Variants in NAE1 observed in about 807,000 individuals in gnomAD.
NAE1 encodes NEDD8 activating enzyme E1 subunit 1.
In NAE1, 59 loss-of-function variants were observed where a neutral mutation model predicts 88.0. The observed-to-expected ratio is 0.67, with a 90% CI of 0.54 to 0.83. The LOEUF is 0.83. Ranked by LOEUF, NAE1 falls within the 40% of genes least tolerant of loss-of-function variation. The pLI is 0.00. For synonymous variants in NAE1, 186 were observed against 208.9 expected, an observed-to-expected ratio of 0.89 and a Z score of 0.95; for missense variants, 554 against 632.8, an observed-to-expected ratio of 0.88 and a Z score of 1.34.
intron 3 of NAE1, 45 bp downstream of exon 3, chr16:66,826,478 C>T: frequency 2.5e-6 from 4 of 1,592,970 alleles, no homozygotes; most frequent in Non-Finnish European, 3.4e-6. Flanking sequence ...AGACTCAGGC[C>T]TTGCCTTCCT....
intron 7 of NAE1, among the ~76,000 whole-genome samples, chr16:66,819,543 T>C (rs1228120447): frequency 6.6e-6 from 1 of 152,214 alleles, no homozygotes; most frequent in East Asian, 1.9e-4. Flanking sequence ...TATCTACAGA[T>C]TGTATATCTC....
intron 3 of NAE1, 191 bp downstream of exon 3, chr16:66,826,331 TA>T (rs1960462116): frequency 1.7e-6 from 1 of 590,042 alleles, no homozygotes; most frequent in Admixed American, 3.1e-5. Flanking sequence ...TAATGATGGG[TA>T]ACATTTATTA....
chr16:66,828,813 A>C (rs973400612), intron 1 of NAE1, among the ~76,000 whole-genome samples: 6 of 151,262 alleles, frequency 4.0e-5, no homozygotes, highest in Non-Finnish European at 8.8e-5. Context: ...GCAAACCCCC[A>C]TCTCTAAAAC....
rs369574864 is a variant in NAE1 at position 66,806,014 on chromosome 16, T to G, written c.1343A>C (p.Tyr448Ser). 1.2e-6 allele frequency: 2 copies of G among 1,609,584 alleles called. No individual in the cohort carries two copies. The highest frequency in any genetic ancestry group is 1.7e-4 in the Middle Eastern group (1 of 5,986). Residue 448 changes from tyrosine (Y) to serine (S), a missense_variant, in exon 18 of 20, where the codon TAT becomes TCT. Coordinates refer to ENST00000290810, the MANE Select transcript of NAE1 (RefSeq NM_003905.4). ...QQGRYPGVSN[Y>S]QVEEDIGKLK... Reference sequence around the variant, plus strand: ...CTTTCCTATATCTTCTTCAACTTGATAGTTAGATACTCCTAAAAATAAAAG... The same window carrying G: ...CTTTCCTATATCTTCTTCAACTTGAGAGTTAGATACTCCTAAAAATAAAAG...
intron 18 of NAE1, 30 bp downstream of exon 18, chr16:66,805,881 TC>T: frequency 6.3e-7 from 1 of 1,597,248 alleles, no homozygotes; most frequent in Non-Finnish European, 8.5e-7. Context: ...AGGTGTGGAA[TC>T]ATCTCCTAGA....
chr16:66,814,093 G>C (rs1959935113), intron 11 of NAE1, among the ~76,000 whole-genome samples: 1 of 152,052 alleles, frequency 6.6e-6, no homozygotes, highest in African/African-American at 2.4e-5. Context: ...ACCATAAATG[G>C]GGTAAAGAAG....
intron 16 of NAE1, 32 bp from the exon 17 acceptor site, chr16:66,808,645 G>C: frequency 6.8e-7 from 1 of 1,470,096 alleles, no homozygotes; most frequent in Admixed American, 1.7e-5. Flanking sequence ...GTTTAATTTG[G>C]TTAATTTGCA....
chr16:66,828,989 T>C (rs893535600), intron 1 of NAE1, among the ~76,000 whole-genome samples: 2 of 131,920 alleles, frequency 1.5e-5, no homozygotes, highest in African/African-American at 3.6e-5. Context: ...ACCTTGTCCC[T>C]GAAAAAAAAA....
intron 17 of NAE1, among the ~76,000 whole-genome samples, chr16:66,807,272 T>C (rs1365443301): frequency 6.6e-6 from 1 of 152,206 alleles, no homozygotes; most frequent in Non-Finnish European, 1.5e-5. Flanking sequence ...TAAATACTAA[T>C]CAAATAATAC....
At chr16:66,816,825 C>A in intron 10 of NAE1, 140 bp downstream of exon 10, 1 of 1,389,010 alleles carries the variant, frequency 7.2e-7, no homozygotes, top group Non-Finnish European at 9.7e-7. Context: ...CAAGGCGTGG[C>A]TTCTTAACTT....
At chr16:66,826,474 A>G in intron 3 of NAE1, 49 bp downstream of exon 3, 1 of 1,571,978 alleles carries the variant, frequency 6.4e-7, no homozygotes, top group East Asian at 2.2e-5. Flanking sequence ...GCTAAGACTC[A>G]GGCCTTGCCT....
chr16:66,804,923 C>T (rs1003605397), intron 19 of NAE1, among the ~76,000 whole-genome samples: 1 of 152,068 alleles, frequency 6.6e-6, no homozygotes, highest in Non-Finnish European at 1.5e-5. Flanking sequence ...TTCTAGCCTC[C>T]AGAACTCTGT....
At chr16:66,820,699 A>G (rs1286231730) in intron 7 of NAE1, among the ~76,000 whole-genome samples, 1 of 152,164 alleles carries the variant, frequency 6.6e-6, no homozygotes, top group Non-Finnish European at 1.5e-5. Flanking sequence ...CAGGAGATTG[A>G]GACCATCCTG....
intron 19 of NAE1, 46 bp from the exon 20 acceptor site, chr16:66,803,164 C>T: frequency 7.9e-7 from 1 of 1,272,990 alleles, no homozygotes; most frequent in East Asian, 2.3e-5. Flanking sequence ...GAGTAAACTT[C>T]AAGAGTTACA....
intron 1 of NAE1, among the ~76,000 whole-genome samples, chr16:66,830,395 C>A (rs1385930259): frequency 3.9e-5 from 6 of 152,168 alleles, no homozygotes; most frequent in African/African-American, 1.4e-4. Flanking sequence ...TTCATTTTAC[C>A]TTTAGTGTGG....
chr16:66,810,065 A>C (rs1959728404), intron 15 of NAE1, among the ~76,000 whole-genome samples: 1 of 152,186 alleles, frequency 6.6e-6, no homozygotes, highest in Non-Finnish European at 1.5e-5. Flanking sequence ...TTCAGACAAA[A>C]AAACTTCCTA....
intron 11 of NAE1, 38 bp downstream of exon 11, chr16:66,816,543 T>C (rs768960066): frequency 7.2e-7 from 1 of 1,394,772 alleles, no homozygotes; most frequent in Non-Finnish European, 1.0e-6. Flanking sequence ...CTAGAAAACA[T>C]CTTGTTCATG....
At position 66,821,510 on chromosome 16, in the gene NAE1, A is replaced by G. The variant is rs1217961553; in HGVS notation, c.451T>C (p.Leu151=). Residue 151 remains leucine, a synonymous_variant, in exon 7 of 20, where the codon TTG becomes CTG. Transcript: ENST00000290810. The part of the protein sequence containing the change: ...DVLWNSQIPL[L]ICRTYGLVGY... ...ACTAGTCCATATGTCCTACAGATCA[A>G]AAGAGGAATCTGGGAATTCCAGAGG... 6.2e-7 allele frequency: 1 copy of G among 1,604,364 alleles called. No homozygotes were observed. The highest frequency in any genetic ancestry group is 8.5e-7 in the Non-Finnish European group (1 of 1,176,530).
intron 8 of NAE1, among the ~76,000 whole-genome samples, chr16:66,817,736 A>C (rs1326148246): frequency 6.6e-6 from 1 of 152,178 alleles, no homozygotes; most frequent in Non-Finnish European, 1.5e-5. Context: ...TGCCACCCAA[A>C]AACACAGCTC....
Sources: gnomAD v4.1 joint callset for allele counts (sites outside exome capture counted in the v4.1 genomes callset) on GRCh38, gnomAD v4.1.1 for gene constraint, MANE v1.5 for transcripts, NCBI Gene and HGNC (gene_info 2026-07-23, HGNC 2026-07-21) for gene names.